The following GFPT1 variants were observed in gnomAD, a reference collection of about 807,000 sequenced individuals.
GFPT1 encodes the protein glutamine--fructose-6-phosphate transaminase 1, also known as glutamine--fructose-6-phosphate aminotransferase [isomerizing] 1.
Under a neutral mutation model 92.0 loss-of-function variants are expected in GFPT1, and 40 were observed. That is an observed-to-expected ratio of 0.43 (90% confidence interval 0.34 to 0.57). The LOEUF is 0.57. Among genes scored for constraint, GFPT1 ranks in the 20% least tolerant of loss-of-function variants. The pLI, the probability that GFPT1 is intolerant of heterozygous loss-of-function variation, is 0.02. For missense variants in GFPT1, 448 were observed against 869.1 expected (o/e 0.52, Z 6.09); for synonymous variants, 269 against 280.6 (o/e 0.96, Z 0.41).
At chr2:69,351,584 T>C (rs1671208125) in intron 9 of GFPT1, among the ~76,000 whole-genome samples, 1 of 152,206 alleles carries the variant, frequency 6.6e-6, no homozygotes. Context: ...TGTATTGAAA[T>C]ATACACCACA....
intron 1 of GFPT1, among the ~76,000 whole-genome samples, chr2:69,377,828 G>A (rs1455423725): frequency 6.6e-6 from 1 of 152,200 alleles, no homozygotes; most frequent in East Asian, 1.9e-4. Context: ...CACCTGCGGG[G>A]ATACCGGGTT....
At chr2:69,385,223 ATATT>A (rs1165728593) in intron 1 of GFPT1, among the ~76,000 whole-genome samples, 1 of 151,984 alleles carries the variant, frequency 6.6e-6, no homozygotes, top group Non-Finnish European at 1.5e-5. Context: ...TTATTTATTT[ATATT>A]TATTTATCAT....
At chr2:69,332,981 C>G (rs1408343553) in intron 15 of GFPT1, among the ~76,000 whole-genome samples, 1 of 152,144 alleles carries the variant, frequency 6.6e-6, no homozygotes, top group Admixed American at 6.5e-5. Flanking sequence ...CAGCCTCCAG[C>G]TGCTCACATG....
intron 1 of GFPT1, among the ~76,000 whole-genome samples, chr2:69,379,579 C>T (rs1212753324): frequency 6.6e-6 from 1 of 152,010 alleles, no homozygotes; most frequent in African/African-American, 2.4e-5. Flanking sequence ...GCTCTGTCGC[C>T]CAGGCTGGAG....
intron 13 of GFPT1, among the ~76,000 whole-genome samples, chr2:69,340,619 T>A (rs996792313): frequency 6.6e-6 from 1 of 151,962 alleles, no homozygotes; most frequent in Non-Finnish European, 1.5e-5. Context: ...GATTAGAGTG[T>A]AGTCAGTTAT....
chr2:69,353,615 G>A (rs1320486337), intron 9 of GFPT1, among the ~76,000 whole-genome samples: 3 of 151,814 alleles, frequency 2.0e-5, no homozygotes, highest in Admixed American at 2.0e-4. Context: ...ATCCACCTGA[G>A]CCCAAGAGTT....
intron 8 of GFPT1, 61 bp from the exon 9 acceptor site, chr2:69,354,373 T>C: frequency 7.0e-7 from 1 of 1,429,026 alleles, no homozygotes; most frequent in Admixed American, 1.7e-5. Flanking sequence ...ACAAATCTTT[T>C]TCATGTCTAG....
chr2:69,363,731 G>A (rs1052671043), intron 3 of GFPT1, 61 bp from the exon 4 acceptor site: 2 of 1,168,478 alleles, frequency 1.7e-6, no homozygotes, highest in African/African-American at 1.5e-5. Flanking sequence ...AATGCTATAA[G>A]CTATATTTAA....
intron 9 of GFPT1, 56 bp downstream of exon 9, chr2:69,354,203 A>T: frequency 1.7e-6 from 2 of 1,201,390 alleles, no homozygotes; most frequent in Non-Finnish European, 2.4e-6. Context: ...AGAATTAGTA[A>T]AGAATAAACA....
At chr2:69,336,006 A>T (rs1670783947) in intron 15 of GFPT1, among the ~76,000 whole-genome samples, 1 of 148,028 alleles carries the variant, frequency 6.8e-6, no homozygotes, top group Non-Finnish European at 1.5e-5. Flanking sequence ...TGTACTCTGG[A>T]TGATAAAGAG....
rs1448067927 is a variant in GFPT1, at chr2:69,324,484, A to C, written c.*1705T>G. The C allele has an allele frequency of 2.6e-5, 4 of 152,210 alleles. No homozygotes were observed. Among genetic ancestry groups the C allele is most frequent in the African/African-American group, 7.2e-5 (3 of 41,454 alleles). The allele number at this position is 152,210 out of a possible 1,614,324, so 9.4% of individuals were successfully genotyped here. ...TAGCTATAATAGCCATATATTATAT[A>C]TAATGTAAATAGTGACCCTATTTTA... On this transcript the variant is annotated 3_prime_UTR_variant, in exon 20 of 20. Coordinates refer to ENST00000357308, the MANE Select transcript of GFPT1 (RefSeq NM_001244710.2).
chr2:69,373,314 T>C (rs1399506829), intron 2 of GFPT1, among the ~76,000 whole-genome samples: 1 of 152,154 alleles, frequency 6.6e-6, no homozygotes, highest in Non-Finnish European at 1.5e-5. Context: ...TATGTTTATG[T>C]GTAATTTATT....
chr2:69,387,208 C>A lies in GFPT1; in HGVS notation c.-137G>T. 3.1e-6 allele frequency: 3 copies of A among 961,292 alleles called. No individual in the cohort carries two copies. The highest frequency in any genetic ancestry group is 2.9e-6 in the Non-Finnish European group (2 of 679,738). 59.5% of individuals were successfully genotyped at this position (961,292 alleles called of 1,614,324 possible). On this transcript the variant is annotated 5_prime_UTR_variant, in exon 1 of 20. Transcript: ENST00000357308. ...CACGACTCCCTCGGGGATGCGACGG[C>A]CAAGGCAACGACAGCCTTCTCCGCC...
intron 3 of GFPT1, among the ~76,000 whole-genome samples, chr2:69,365,148 C>A (rs1671579819): frequency 6.6e-6 from 1 of 151,896 alleles, no homozygotes; most frequent in Non-Finnish European, 1.5e-5. Flanking sequence ...TGGCTAAGAA[C>A]CCAGATAACA....
rs1449242765 is a variant in GFPT1 at position 69,323,566 on chromosome 2, A to ACAGCTCAC, written c.*2615_*2622dup. On this transcript the variant is annotated 3_prime_UTR_variant, in exon 20 of 20. Transcript: ENST00000357308. ...CAAGCTGAAGCACAGTGGCACAATC[A>ACAGCTCAC]CAGCTCACTGCAGCCTCAACCTCCC... The ACAGCTCAC allele has an allele frequency of 6.6e-6, 1 of 152,194 alleles. No homozygotes were observed. Among genetic ancestry groups the ACAGCTCAC allele is most frequent in the Admixed American group, 6.6e-5 (1 of 15,260 alleles). The allele number at this position is 152,194 out of a possible 1,614,324, so 9.4% of individuals were successfully genotyped here.
intron 3 of GFPT1, among the ~76,000 whole-genome samples, chr2:69,367,344 T>TTTTTTG (rs1553392926): frequency 3.3e-5 from 5 of 150,250 alleles, no homozygotes; most frequent in African/African-American, 1.2e-4. Context: ...CAACTTATTT[T>TTTTTTG]TTGTTGTTGT....
rs1005967754 is a variant in GFPT1, at chr2:69,324,103, C to T, written c.*2086G>A. On this transcript the variant is annotated 3_prime_UTR_variant, in exon 20 of 20. Transcript: ENST00000357308. The stretch of plus-strand genomic sequence containing the variant: ...GTATTACAGGCTGAGCCACTGCACC[C>T]GGCAGAGAATCCATGTTTGTTTGGA... The T allele has an allele frequency of 4.6e-5, 7 of 152,200 alleles. No individual in the cohort carries two copies. Among genetic ancestry groups the T allele is most frequent in the African/African-American group, 7.2e-5 (3 of 41,430 alleles). The allele number at this position is 152,200 out of a possible 1,614,324, so 9.4% of individuals were successfully genotyped here. A position where few individuals can be genotyped will look rare whatever the true frequency, so the allele number is the denominator to read the frequency against.
At chr2:69,362,186 A>G (rs556114747) in intron 4 of GFPT1, among the ~76,000 whole-genome samples, 2 of 152,214 alleles carry the variant, frequency 1.3e-5, no homozygotes, top group African/African-American at 4.8e-5. Context: ...CTGAAGTGCA[A>G]TGGGGCAATC....
chr2:69,368,546 G>A (rs1053672914), intron 3 of GFPT1, among the ~76,000 whole-genome samples: 2 of 152,128 alleles, frequency 1.3e-5, no homozygotes, highest in Non-Finnish European at 2.9e-5. Context: ...TGGCCAATAT[G>A]GTGAAACCCC....
Sources: gnomAD v4.1 joint callset for allele counts (sites outside exome capture counted in the v4.1 genomes callset) on GRCh38, gnomAD v4.1.1 for gene constraint, MANE v1.5 for transcripts, NCBI Gene and HGNC (gene_info 2026-07-23, HGNC 2026-07-21) for gene names.